MCM9: variants seen among roughly 807,000 people sequenced by gnomAD.
The protein encoded by MCM9 is DNA helicase MCM9.
Under a neutral mutation model 72.8 loss-of-function variants are expected in MCM9, and 55 were observed. The observed-to-expected ratio is 0.76, with a 90% CI of 0.61 to 0.95. MCM9 has a LOEUF of 0.95. Ranked by LOEUF, MCM9 falls within the 40% of genes least tolerant of loss-of-function variation. MCM9 has a pLI of 0.00. For missense variants in MCM9, 1,279 were observed against 1,377.0 expected, an observed-to-expected ratio of 0.93 and a Z score of 1.13; for synonymous variants, 480 against 503.4, an observed-to-expected ratio of 0.95 and a Z score of 0.62.
intron 4 of MCM9, 109 bp from the exon 5 acceptor site, chr6:118,922,195 G>A (rs1349122877): frequency 8.1e-6 from 6 of 737,616 alleles, no homozygotes; most frequent in East Asian, 2.9e-5. Context: ...TATATCATAC[G>A]ATTTAATTAT....
At position 118,930,347 on chromosome 6, in the gene MCM9, T is replaced by C. The variant is rs12234153; in HGVS notation, c.304+1073A>G. ...CAGGATGGTCTCGATTTCCTGACCT[T>C]GCGATCTGCCCGCCTTGGCCTCCCA... On this transcript the variant is annotated intron_variant, in intron 3 of 13. Transcript: ENST00000619706. 4.6e-5 allele frequency among the ~76,000 whole-genome samples: 7 copies of C among 152,196 alleles called. No homozygotes were observed. In the East Asian group the frequency reaches 9.7e-4, roughly 21 times the overall value.
At chr6:118,892,516 G>A (rs1438152569) in intron 8 of MCM9, among the ~76,000 whole-genome samples, 1 of 152,152 alleles carries the variant, frequency 6.6e-6, no homozygotes, top group Non-Finnish European at 1.5e-5. Flanking sequence ...GTAATAATCA[G>A]ACAACTGCAT....
chr6:118,873,229 G>C, intron 8 of MCM9, among the ~76,000 whole-genome samples: 1 of 16,856 alleles, frequency 5.9e-5, no homozygotes, highest in South Asian at 4.3e-3. Context: ...GAAAGGGAAG[G>C]GGAAAGGGAA....
intron 9 of MCM9, among the ~76,000 whole-genome samples, chr6:118,855,302 C>G (rs748865044): frequency 2.6e-5 from 4 of 152,178 alleles, no homozygotes; most frequent in Non-Finnish European, 5.9e-5. Flanking sequence ...CTATTGTGGA[C>G]TTATCGCTTT....
At position 118,913,417 on chromosome 6, in the gene MCM9, C is replaced by T. The variant is rs1780702486; in HGVS notation, c.908G>A (p.Arg303Lys). The change falls in exon 7 of 14, where the codon AGG (arginine) becomes AAG (lysine). Residue 303 changes from arginine (R) to lysine (K), a missense_variant. By Grantham distance (26) the Arg-to-Lys change is conservative. Transcript: ENST00000619706. ...EYYKSDPFAG[R>K]NVILASLCPQ... ...GCACAAGCTAGCCAATATTACATTC[C>T]TTCCTAGGAAAAGCAGAAAGATCAG... The T allele has an allele frequency of 2.5e-6, 4 of 1,611,234 alleles. No individual in the cohort carries two copies. Among genetic ancestry groups the T allele is most frequent in the Non-Finnish European group, 3.4e-6 (4 of 1,179,220 alleles).
chr6:118,904,567 C>T (rs1310221579), intron 8 of MCM9, among the ~76,000 whole-genome samples: 2 of 152,168 alleles, frequency 1.3e-5, no homozygotes, highest in Non-Finnish European at 2.9e-5. Flanking sequence ...TGCACCCTAC[C>T]ACGGATGGGG....
chr6:118,866,882 T>C (rs549731099), intron 8 of MCM9, among the ~76,000 whole-genome samples: 3 of 151,946 alleles, frequency 2.0e-5, no homozygotes, highest in Non-Finnish European at 2.9e-5. Flanking sequence ...ACAATCACAA[T>C]AAAATTATAA....
rs1468011674 is a variant in MCM9, at chr6:118,847,134, G to A, written c.1325+9237C>T. ...GATAAAACTGAAGAAAGAAATGGAT[G>A]TAAAGGGAGGAAGAGGAAATACTCT... is the stretch of plus-strand genomic sequence containing the variant. On this transcript the variant is annotated intron_variant, in intron 9 of 13. Coordinates refer to ENST00000619706, the MANE Select transcript of MCM9 (RefSeq NM_017696.3). Among the ~76,000 whole-genome samples the A allele has an allele frequency of 8.6e-5, 13 of 151,948 alleles. 1 individual carries two copies. The highest frequency in any genetic ancestry group is 2.9e-4 in the African/African-American group (12 of 41,230).
At chr6:118,834,324 T>G (rs1774801018) in intron 9 of MCM9, among the ~76,000 whole-genome samples, 1 of 147,710 alleles carries the variant, frequency 6.8e-6, no homozygotes, top group Non-Finnish European at 1.5e-5. Flanking sequence ...TAAACATACG[T>G]GTGTATGTGT....
intron 13 of MCM9, among the ~76,000 whole-genome samples, chr6:118,823,230 G>A (rs138430819): frequency 0.014 from 2,109 of 152,272 alleles, 41 homozygotes; most frequent in African/African-American, 0.048. Flanking sequence ...CCAGGGCCCT[G>A]GTGGTGTAGG....
chr6:118,836,173 C>T (rs1013716856), intron 9 of MCM9, among the ~76,000 whole-genome samples: 2 of 152,156 alleles, frequency 1.3e-5, no homozygotes, highest in African/African-American at 2.4e-5. Context: ...TATGTTGAAC[C>T]AGCCTTGCAT....
rs1234383160 is a variant in MCM9, at chr6:118,923,817, C to A, written c.615G>T (p.Gln205His). The A allele has an allele frequency of 6.2e-7, 1 of 1,612,092 alleles. No homozygotes were observed. Among genetic ancestry groups the A allele is most frequent in the Admixed American group, 1.7e-5 (1 of 59,918 alleles). Reference protein sequence around the residue: ...RCRDYQEIKIQEQVQRLSVGS... With the variant: ...RCRDYQEIKIHEQVQRLSVGS... ...CGTTTATGTGATTATTTACCTGTTC[C>A]TGAATTTTGATTTCCTGGTAATCTC... is the stretch of plus-strand genomic sequence containing the variant. Residue 205 changes from glutamine to histidine, a missense_variant, in exon 4 of 14, where the codon CAG becomes CAT. Physicochemically the swap from Gln to His is conservative, Grantham distance 24 (BLOSUM62 0). Coordinates refer to ENST00000619706, the MANE Select transcript of MCM9 (RefSeq NM_017696.3).
intron 8 of MCM9, chr6:118,910,868 A>G (rs767595754): frequency 1.6e-5 from 16 of 985,238 alleles, no homozygotes; most frequent in Non-Finnish European, 1.8e-5. Flanking sequence ...GATAAATTTT[A>G]AAGTGTTAGT....
At chr6:118,922,890 G>A (rs1781545172) in intron 4 of MCM9, among the ~76,000 whole-genome samples, 1 of 152,004 alleles carries the variant, frequency 6.6e-6, no homozygotes, top group Admixed American at 6.6e-5. Flanking sequence ...GAATTAGCCA[G>A]GCGAGGTGGC....
At chr6:118,828,944 AC>A in intron 10 of MCM9, 103 bp downstream of exon 10, 1 of 1,169,954 alleles carries the variant, frequency 8.5e-7, no homozygotes, top group Non-Finnish European at 1.2e-6. Flanking sequence ...GCCTGGTACT[AC>A]ATAGCCTATC....
At chr6:118,817,964 AC>A (rs1196075381) in intron 13 of MCM9, among the ~76,000 whole-genome samples, 3 of 151,378 alleles carry the variant, frequency 2.0e-5, no homozygotes, top group Non-Finnish European at 4.4e-5. Flanking sequence ...CATATCCTTC[AC>A]CCAGTTTTGA....
At chr6:118,896,197 C>G (rs1012454440) in intron 8 of MCM9, among the ~76,000 whole-genome samples, 1 of 152,034 alleles carries the variant, frequency 6.6e-6, no homozygotes, top group Admixed American at 6.6e-5. Context: ...TTTGATTACT[C>G]TCCTATGATA....
intron 8 of MCM9, among the ~76,000 whole-genome samples, chr6:118,889,198 A>G (rs1284847386): frequency 6.6e-6 from 1 of 152,182 alleles, no homozygotes; most frequent in Non-Finnish European, 1.5e-5. Context: ...AATTCTACCA[A>G]CCAAATTTCT....
At chr6:118,835,725 G>A (rs899088771) in intron 9 of MCM9, among the ~76,000 whole-genome samples, 3 of 152,186 alleles carry the variant, frequency 2.0e-5, no homozygotes, top group African/African-American at 7.2e-5. Flanking sequence ...TGCTAAAGTT[G>A]CTTATCAGTT....
Sources: allele counts gnomAD v4.1 joint callset (sites outside exome capture counted in the v4.1 genomes callset), GRCh38; gene constraint gnomAD v4.1.1; transcripts MANE v1.5; gene names NCBI Gene and HGNC (gene_info 2026-07-23, HGNC 2026-07-21).